The following SIM2 variants were observed in gnomAD, a reference collection of about 807,000 sequenced individuals.
SIM2 encodes the protein single-minded homolog 2.
In SIM2, 28 loss-of-function variants were observed where a neutral mutation model predicts 64.8. That is an observed-to-expected ratio of 0.43 (90% CI 0.32 to 0.59). The LOEUF (loss-of-function observed/expected upper bound fraction) is 0.59. Among genes scored for constraint, SIM2 ranks in the 20% least tolerant of loss-of-function variants. The pLI is 0.07. For missense variants in SIM2, 847 were observed against 871.4 expected (o/e 0.97, Z 0.35); for synonymous variants, 408 against 391.1 (o/e 1.04, Z -0.51).
chr21:36,738,018 A>G (rs139592033), intron 7 of SIM2, among the ~76,000 whole-genome samples: 1 of 151,038 alleles, frequency 6.6e-6, no homozygotes, highest in African/African-American at 2.4e-5. Flanking sequence ...GCATGGGGCC[A>G]TATTCCTAAG....
At position 36,712,627 on chromosome 21, in the gene SIM2, G is replaced by T. The variant is rs1158028229; in HGVS notation, c.348+5G>T. ...GTCCATTTAGGCTTATCCCAGGTGGGTATTGCCTAATTTTATGTGCAACCA... is the reference window on the plus strand; with the variant it reads ...GTCCATTTAGGCTTATCCCAGGTGGTTATTGCCTAATTTTATGTGCAACCA... On this transcript the variant is annotated splice_donor_5th_base_variant and intron_variant, in intron 3 of 10. Transcript: ENST00000290399. The T allele has an allele frequency of 6.3e-7, 1 of 1,599,360 alleles. No individual in the cohort carries two copies. Among genetic ancestry groups the T allele is most frequent in the Non-Finnish European group, 8.5e-7 (1 of 1,169,830 alleles).
chr21:36,704,145 G>T (rs796181882), intron 1 of SIM2, among the ~76,000 whole-genome samples: 5 of 152,322 alleles, frequency 3.3e-5, no homozygotes, highest in African/African-American at 1.2e-4. Flanking sequence ...CCAGTGCCTG[G>T]GTGCCTTTGG....
chr21:36,747,581 G>A lies in SIM2; in HGVS notation c.1577-84G>A, dbSNP rs1312794995. 2 of 1,012,202 alleles carry A rather than the reference G, an allele frequency of 2.0e-6. No homozygotes were observed. The highest frequency in any genetic ancestry group is 2.5e-6 in the Non-Finnish European group (2 of 814,254). 62.7% of individuals were successfully genotyped at this position (1,012,202 alleles called of 1,614,324 possible). On this transcript the variant is annotated intron_variant, in intron 10 of 10. Transcript: ENST00000290399. This position sits in a 1 kb window ranked among gnomAD's most constrained non-coding sequence, Gnocchi z 4.5. ...GGTGCAGCGCGTGGGCGGCCGAGGG[G>A]TGGTGGCTGCGCCCGGGGCTTGGGG...
At chr21:36,733,653 G>A (rs773037586) in intron 7 of SIM2, among the ~76,000 whole-genome samples, 14 of 149,712 alleles carry the variant, frequency 9.4e-5, no homozygotes, top group Non-Finnish European at 1.8e-4. Context: ...TCCTCTTCCC[G>A]GGTTCATGCC....
At chr21:36,730,958 C>T (rs1230854018) in intron 6 of SIM2, 87 bp from the exon 7 acceptor site, 4 of 913,822 alleles carry the variant, frequency 4.4e-6, no homozygotes, top group Non-Finnish European at 7.1e-6. Flanking sequence ...CCTTTTAGCA[C>T]TTGATTAGTT....
intron 6 of SIM2, among the ~76,000 whole-genome samples, chr21:36,727,100 C>T (rs992528835): frequency 2.0e-5 from 3 of 152,124 alleles, no homozygotes; most frequent in Non-Finnish European, 4.4e-5. Flanking sequence ...TGCAATGGTG[C>T]GATCTCAGCT....
chr21:36,713,443 G>A (rs1311690692), intron 3 of SIM2, among the ~76,000 whole-genome samples: 1 of 152,060 alleles, frequency 6.6e-6, no homozygotes, highest in African/African-American at 2.4e-5. Flanking sequence ...TAACAAATGT[G>A]GATCATGATT....
At chr21:36,700,732 C>T (rs1016134710) in intron 1 of SIM2, among the ~76,000 whole-genome samples, 1 of 152,178 alleles carries the variant, frequency 6.6e-6, no homozygotes, top group Non-Finnish European at 1.5e-5. Flanking sequence ...GCGGGAAGTC[C>T]GGGCAGGAGA....
At chr21:36,704,575 G>T (rs1469139728) in intron 1 of SIM2, among the ~76,000 whole-genome samples, 1 of 152,228 alleles carries the variant, frequency 6.6e-6, no homozygotes, top group Non-Finnish European at 1.5e-5. Context: ...TCAGCGCGGG[G>T]CTAGAGGAGG....
chr21:36,724,080 AC>A (rs1236598391), intron 5 of SIM2, among the ~76,000 whole-genome samples: 1 of 152,228 alleles, frequency 6.6e-6, no homozygotes, highest in Admixed American at 6.5e-5. Context: ...AGGAAAGGGC[AC>A]TTTTGTGCCT....
chr21:36,715,840 T>C (rs555762101), intron 3 of SIM2, among the ~76,000 whole-genome samples: 2 of 152,360 alleles, frequency 1.3e-5, no homozygotes, highest in South Asian at 4.1e-4. Context: ...CCAAGTCTTT[T>C]ATTAAGCCTT....
At chr21:36,707,364 G>T (rs2088599029) in intron 1 of SIM2, among the ~76,000 whole-genome samples, 1 of 152,204 alleles carries the variant, frequency 6.6e-6, no homozygotes, top group Non-Finnish European at 1.5e-5. Flanking sequence ...GAGTGCTGCT[G>T]TGATCACGGT....
Position 36,723,030 on chromosome 21 carries a change from T to C in SIM2, c.458-15T>C, listed in dbSNP as rs1392586542. 1 of 1,611,070 alleles carries C rather than the reference T, an allele frequency of 6.2e-7. No homozygotes were observed. The highest frequency in any genetic ancestry group is 1.3e-5 in the African/African-American group (1 of 74,870). ...GGAGGGACAGCTGCCAACCTCATCTTGCTCCTGCTTGCAGAGTATGAGATA... is the reference window on the plus strand; with the variant it reads ...GGAGGGACAGCTGCCAACCTCATCTCGCTCCTGCTTGCAGAGTATGAGATA... On this transcript the variant is annotated splice_polypyrimidine_tract_variant and intron_variant, in intron 4 of 10. Transcript: ENST00000290399.
chr21:36,735,895 G>A (rs1238367587), intron 7 of SIM2, among the ~76,000 whole-genome samples: 1 of 152,172 alleles, frequency 6.6e-6, no homozygotes, highest in African/African-American at 2.4e-5. Context: ...ACAGTGCTTT[G>A]GTGGCTGACA....
chr21:36,735,366 C>T (rs1417704257), intron 7 of SIM2, among the ~76,000 whole-genome samples: 5 of 152,374 alleles, frequency 3.3e-5, no homozygotes, highest in African/African-American at 1.2e-4. Context: ...AAGATGTTCT[C>T]TGTTCTAACC....
chr21:36,740,037 AAG>A (rs2089139817), intron 7 of SIM2, among the ~76,000 whole-genome samples: 1 of 145,800 alleles, frequency 6.9e-6, no homozygotes, highest in South Asian at 2.2e-4. Flanking sequence ...GAAAGAAAGA[AAG>A]AAAGAAAGAA....
At chr21:36,729,296 G>C (rs2088934798) in intron 6 of SIM2, among the ~76,000 whole-genome samples, 1 of 152,140 alleles carries the variant, frequency 6.6e-6, no homozygotes, top group African/African-American at 2.4e-5. Context: ...GTTAGATTCT[G>C]ATGGGGCTTG....
At chr21:36,714,633 G>A (rs754281881) in intron 3 of SIM2, among the ~76,000 whole-genome samples, 24 of 152,276 alleles carry the variant, frequency 1.6e-4, no homozygotes, top group Middle Eastern at 3.4e-3. Context: ...TCCTTTGGGG[G>A]CTCCTATTAG....
intron 7 of SIM2, among the ~76,000 whole-genome samples, chr21:36,740,677 G>C (rs1286239719): frequency 1.3e-5 from 2 of 152,192 alleles, no homozygotes; most frequent in Admixed American, 6.5e-5. Flanking sequence ...TGACAGGAAG[G>C]CTGAATTTTT....
Sources: gnomAD v4.1 joint callset for allele counts (sites outside exome capture counted in the v4.1 genomes callset) on GRCh38, gnomAD v4.1.1 for gene constraint, Gnocchi (gnomAD v3.1) non-coding constraint, MANE v1.5 for transcripts, NCBI Gene and HGNC (gene_info 2026-07-23, HGNC 2026-07-21) for gene names.